CNNM4: variants seen among roughly 807,000 people sequenced by gnomAD.
CNNM4 encodes the protein cyclin and CBS domain divalent metal cation transport mediator 4.
CNNM4 carries 32 observed loss-of-function variants against 53.7 expected under a neutral mutation model. The observed-to-expected ratio is 0.60, with a 90% CI of 0.45 to 0.80. CNNM4 has a LOEUF of 0.80. Ranked by LOEUF, CNNM4 falls within the 30% of genes least tolerant of loss-of-function variation. CNNM4 has a pLI of 0.00. For missense variants in CNNM4, 784 were observed against 1,022.0 expected (o/e 0.77, Z 3.17); for synonymous variants, 410 against 440.0 (o/e 0.93, Z 0.85).
chr2:96,791,119 CAAA>C (rs796162631), intron 1 of CNNM4, among the ~76,000 whole-genome samples: 3 of 74,326 alleles, frequency 4.0e-5, no homozygotes, highest in Non-Finnish European at 5.5e-5. Flanking sequence ...GACTCTGTCT[CAAA>C]AAAAAAAAAA....
At chr2:96,775,145 T>G (rs918772370) in intron 1 of CNNM4, among the ~76,000 whole-genome samples, 1 of 151,838 alleles carries the variant, frequency 6.6e-6, no homozygotes, top group African/African-American at 2.4e-5. Context: ...CCTGATAGCT[T>G]TTCACAAAAC....
intron 1 of CNNM4, among the ~76,000 whole-genome samples, chr2:96,774,035 T>C (rs1229559820): frequency 6.8e-6 from 1 of 148,130 alleles, no homozygotes; most frequent in Non-Finnish European, 1.5e-5. Flanking sequence ...AAAGAGGAAA[T>C]TCACCTCATT....
intron 1 of CNNM4, among the ~76,000 whole-genome samples, chr2:96,780,861 C>T (rs2078968316): frequency 6.6e-6 from 1 of 151,006 alleles, no homozygotes; most frequent in African/African-American, 2.4e-5. Context: ...CCTCAGCCTC[C>T]CCAAGTAGCT....
At chr2:96,767,421 A>AACACAC (rs1462410757) in intron 1 of CNNM4, among the ~76,000 whole-genome samples, 1 of 152,068 alleles carries the variant, frequency 6.6e-6, no homozygotes, top group Non-Finnish European at 1.5e-5. Flanking sequence ...GGAATCTCAG[A>AACACAC]ACAAAGCCAC....
intron 1 of CNNM4, among the ~76,000 whole-genome samples, chr2:96,771,407 T>G (rs760781478): frequency 2.0e-5 from 3 of 151,978 alleles, no homozygotes; most frequent in Non-Finnish European, 2.9e-5. Context: ...AACAAAAACC[T>G]TATAACAAAC....
At chr2:96,764,351 T>A (rs776464459) in intron 1 of CNNM4, among the ~76,000 whole-genome samples, 1 of 152,170 alleles carries the variant, frequency 6.6e-6, no homozygotes, top group Non-Finnish European at 1.5e-5. Flanking sequence ...AGGTTCAGTT[T>A]ACTCCGGGAA....
chr2:96,804,967 G>T (rs915621317), intron 5 of CNNM4, among the ~76,000 whole-genome samples: 1 of 151,816 alleles, frequency 6.6e-6, no homozygotes, highest in Non-Finnish European at 1.5e-5. Context: ...AACCAGCCGA[G>T]GTAACATAGC....
In CNNM4 at chr2:96,808,631, C is replaced by G; in HGVS notation, c.2019C>G (p.Val673=). 1 of 1,614,138 alleles carries G rather than the reference C, an allele frequency of 6.2e-7. No individual in the cohort carries two copies. The highest frequency in any genetic ancestry group is 8.5e-7 in the Non-Finnish European group (1 of 1,180,022). The change falls in exon 6 of 7, where the codon GTC becomes GTG. Residue 673 remains valine (V), a synonymous_variant. Transcript: ENST00000377075. This position sits in a 1 kb window ranked among gnomAD's most constrained non-coding sequence, Gnocchi z 4.9. ...TCAGTTACCCAGACCGCACAGACGT[C>G]TCAACTGCAGCAACCTTGGCAGGCA... ...ASLSYPDRTD[V]STAATLAGSS...
Position 96,808,778 on chromosome 2 carries a change from C to G in CNNM4, c.2130+36C>G, listed in dbSNP as rs367620019. 2.5e-6 allele frequency: 4 copies of G among 1,600,100 alleles called. No individual in the cohort carries two copies. The African/African-American group carries it at 5.4e-5, about 21-fold the overall frequency. ...CACTGCCCTGTCTGGGCAGTGCTAT[C>G]TTCTGCTCAGGAATCAGCTACTACT... is the stretch of plus-strand genomic sequence containing the variant. On this transcript the variant is annotated intron_variant, in intron 6 of 6. Coordinates refer to ENST00000377075, the MANE Select transcript of CNNM4 (RefSeq NM_020184.4). This position sits in a 1 kb window ranked among gnomAD's most constrained non-coding sequence, Gnocchi z 4.9.
chr2:96,807,559 C>A lies in CNNM4; in HGVS notation c.1949-1002C>A, dbSNP rs114721997. ...AAACAAAAACAAAAACAAAACAAAA[C>A]CAAAAAAACAAGAAAAAGAAAAAAA... On this transcript the variant is annotated intron_variant, in intron 5 of 6. Coordinates refer to ENST00000377075, the MANE Select transcript of CNNM4 (RefSeq NM_020184.4). Among the ~76,000 whole-genome samples the A allele has an allele frequency of 8.4e-3, 1,267 of 151,688 alleles. 22 individuals carry two copies. The highest frequency in any genetic ancestry group is 0.029 in the African/African-American group (1,189 of 41,346).
chr2:96,807,480 T>A (rs1288391021), intron 5 of CNNM4, among the ~76,000 whole-genome samples: 1 of 151,670 alleles, frequency 6.6e-6, no homozygotes. Flanking sequence ...AAAAAAAAAT[T>A]AGCTAGGCAT....
intron 5 of CNNM4, 35 bp downstream of exon 5, chr2:96,799,683 G>C: frequency 4.7e-6 from 7 of 1,493,084 alleles, no homozygotes; most frequent in Non-Finnish European, 6.4e-6. Flanking sequence ...CTGCCCTTTG[G>C]CCCCCCTGCA....
chr2:96,803,134 A>G (rs1172238671), intron 5 of CNNM4, among the ~76,000 whole-genome samples: 2 of 152,180 alleles, frequency 1.3e-5, no homozygotes, highest in Non-Finnish European at 2.9e-5. Context: ...ACTTAGAAGC[A>G]GTTACTCCCT....
At chr2:96,779,594 T>G (rs1378878242) in intron 1 of CNNM4, among the ~76,000 whole-genome samples, 1 of 151,776 alleles carries the variant, frequency 6.6e-6, no homozygotes, top group African/African-American at 2.4e-5. Flanking sequence ...GTGGTGCACA[T>G]GTGGGTCTCT....
intron 1 of CNNM4, among the ~76,000 whole-genome samples, chr2:96,791,356 G>T (rs934667173): frequency 1.3e-5 from 2 of 151,900 alleles, no homozygotes; most frequent in African/African-American, 4.8e-5. Flanking sequence ...CATCGGCTGG[G>T]TACAGTGGCT....
chr2:96,779,398 A>G (rs1444670323), intron 1 of CNNM4, among the ~76,000 whole-genome samples: 2 of 151,450 alleles, frequency 1.3e-5, no homozygotes, highest in Non-Finnish European at 2.9e-5. Context: ...GATCCCAGCT[A>G]CTTGGGAGGC....
intron 1 of CNNM4, among the ~76,000 whole-genome samples, chr2:96,785,836 T>A (rs1274015117): frequency 6.6e-6 from 1 of 151,338 alleles, no homozygotes; most frequent in Non-Finnish European, 1.5e-5. Context: ...GCGCAGTGGC[T>A]CACGCACTTT....
intron 1 of CNNM4, among the ~76,000 whole-genome samples, chr2:96,765,149 G>A (rs1210970979): frequency 1.1e-4 from 15 of 141,050 alleles, no homozygotes; most frequent in Admixed American, 2.9e-4. Flanking sequence ...TTTTTGAGAC[G>A]GAGTTTTGCT....
chr2:96,806,154 C>G lies in CNNM4; in HGVS notation c.1949-2407C>G, dbSNP rs533256176. Among the ~76,000 whole-genome samples, 1,389 of 150,726 alleles carry G rather than the reference C, an allele frequency of 9.2e-3. 70 individuals carry two copies. Among genetic ancestry groups the G allele is most frequent in the Admixed American group, 0.081 (1,238 of 15,192 alleles). On this transcript the variant is annotated intron_variant, in intron 5 of 6. Coordinates refer to ENST00000377075, the MANE Select transcript of CNNM4 (RefSeq NM_020184.4). The stretch of plus-strand genomic sequence containing the variant: ...CTGACCCCCCCACCGCCCTCCCGGA[C>G]GGGGCGGCTGGCCGGGCGGGGGGCT...
Sources: allele counts gnomAD v4.1 joint callset (sites outside exome capture counted in the v4.1 genomes callset), GRCh38; gene constraint gnomAD v4.1.1; non-coding constraint Gnocchi (gnomAD v3.1); transcripts MANE v1.5; gene names NCBI Gene and HGNC (gene_info 2026-07-23, HGNC 2026-07-21).